The following SV2C variants were observed in gnomAD, a reference collection of about 807,000 sequenced individuals.
SV2C encodes the protein solute carrier family 22 member B3.
A neutral mutation model predicts 79.7 loss-of-function variants in SV2C; 49 were observed. The observed-to-expected ratio is 0.61, with a 90% CI of 0.49 to 0.78. The LOEUF (loss-of-function observed/expected upper bound fraction) is 0.78. Among genes scored for constraint, SV2C ranks in the 30% least tolerant of loss-of-function variants. The pLI, the probability that SV2C is intolerant of heterozygous loss-of-function variation, is 0.00. For missense variants in SV2C, 833 were observed against 912.9 expected (o/e 0.91, Z 1.13); for synonymous variants, 334 against 333.2 (o/e 1.00, Z -0.03).
intron 4 of SV2C, among the ~76,000 whole-genome samples, chr5:76,276,702 C>T (rs1747033203): frequency 1.3e-5 from 2 of 150,228 alleles, no homozygotes; most frequent in African/African-American, 2.5e-5. Flanking sequence ...CACAGGTATG[C>T]ACCACCACAA....
At chr5:76,149,780 G>C (rs1217070156) in intron 2 of SV2C, among the ~76,000 whole-genome samples, 1 of 152,114 alleles carries the variant, frequency 6.6e-6, no homozygotes, top group Non-Finnish European at 1.5e-5. Context: ...TATACACAGT[G>C]GGGGGACATC....
At chr5:75,938,561 A>G in the SV2C span, among the ~76,000 whole-genome samples, 1 of 152,220 alleles carries the variant, frequency 6.6e-6, no homozygotes, top group Non-Finnish European at 1.5e-5. Flanking sequence ...TACATACCAT[A>G]TGATTTCATT....
intron 2 of SV2C, among the ~76,000 whole-genome samples, chr5:76,148,229 G>T (rs147128891): frequency 6.6e-6 from 1 of 151,970 alleles, no homozygotes; most frequent in Non-Finnish European, 1.5e-5. Flanking sequence ...TTTTCAAACC[G>T]CAAATAGCTC....
Position 76,108,522 on chromosome 5 carries a change from C to G in SV2C, c.-101-23128C>G, listed in dbSNP as rs191487960. ...AAGTCTTTAAATTTCTATATTTTAA[C>G]ATAAAATATTTAAGCACAGGTGTTC... is the stretch of plus-strand genomic sequence containing the variant. On this transcript the variant is annotated intron_variant, in intron 1 of 12. Transcript: ENST00000502798. 6.1e-4 allele frequency among the ~76,000 whole-genome samples: 93 copies of G among 152,234 alleles called. 1 individual carries two copies. Among genetic ancestry groups the G allele is most frequent in the African/African-American group, 2.0e-3 (83 of 41,544 alleles).
At chr5:75,924,447 C>CT in the SV2C span, among the ~76,000 whole-genome samples, 2 of 152,090 alleles carry the variant, frequency 1.3e-5, no homozygotes, top group African/African-American at 2.4e-5. Context: ...TTAGTCAAAC[C>CT]TTTTGTCTTA....
At chr5:75,954,962 A>G in the SV2C span, among the ~76,000 whole-genome samples, 2 of 149,212 alleles carry the variant, frequency 1.3e-5, no homozygotes. Flanking sequence ...GAAAATGGCC[A>G]TATTGCCCAA....
the SV2C span, among the ~76,000 whole-genome samples, chr5:75,904,950 C>A: frequency 2.0e-5 from 3 of 152,144 alleles, no homozygotes; most frequent in East Asian, 3.8e-4. Context: ...AAATTCAAGT[C>A]CTATTTCTTA....
At chr5:76,281,045 G>C in intron 4 of SV2C, 1 of 541,202 alleles carries the variant, frequency 1.8e-6, no homozygotes, top group Non-Finnish European at 3.8e-6. Flanking sequence ...TAAATCAGTC[G>C]GCCCCTGGCC....
chr5:75,924,292 A>C, the SV2C span, among the ~76,000 whole-genome samples: 2 of 152,124 alleles, frequency 1.3e-5, no homozygotes, highest in African/African-American at 4.8e-5. Context: ...AAAATATTAC[A>C]TATCAGGTGC....
intron 12 of SV2C, among the ~76,000 whole-genome samples, chr5:76,320,151 TC>T (rs1006569628): frequency 5.5e-5 from 8 of 145,490 alleles, no homozygotes; most frequent in Non-Finnish European, 9.0e-5. Context: ...CGTCTCGTCT[TC>T]CTTTTTTTTT....
the SV2C span, among the ~76,000 whole-genome samples, chr5:75,942,601 C>T: frequency 4.9e-4 from 74 of 152,266 alleles, no homozygotes; most frequent in East Asian, 2.1e-3. Context: ...TTCCTTTGGC[C>T]TTTTCTACAG....
chr5:75,888,162 T>A, the SV2C span, among the ~76,000 whole-genome samples: 3 of 152,048 alleles, frequency 2.0e-5, no homozygotes, highest in Non-Finnish European at 4.4e-5. Flanking sequence ...TGTGTAAATT[T>A]TAAACCTGAC....
chr5:76,188,309 A>G (rs1743982480), intron 2 of SV2C, among the ~76,000 whole-genome samples: 1 of 152,218 alleles, frequency 6.6e-6, no homozygotes, highest in Non-Finnish European at 1.5e-5. Context: ...TGTGTTTTAC[A>G]CAGTACTAAG....
At chr5:76,286,281 C>T (rs550397265) in intron 6 of SV2C, among the ~76,000 whole-genome samples, 1 of 152,176 alleles carries the variant, frequency 6.6e-6, no homozygotes, top group African/African-American at 2.4e-5. Flanking sequence ...GTAGGGACTG[C>T]CAGCTGATTC....
chr5:76,152,311 A>T (rs928136769), intron 2 of SV2C, among the ~76,000 whole-genome samples: 5 of 152,214 alleles, frequency 3.3e-5, no homozygotes, highest in Admixed American at 6.5e-5. Context: ...TTTTTAGATA[A>T]CGCTTCTAAT....
intron 4 of SV2C, chr5:76,242,301 C>A: frequency 6.9e-7 from 1 of 1,446,808 alleles, no homozygotes; most frequent in Non-Finnish European, 9.6e-7. Context: ...GGCATGGTGG[C>A]GGCAGCGACG....
At chr5:76,097,427 G>T (rs1747602735) in intron 1 of SV2C, among the ~76,000 whole-genome samples, 1 of 152,084 alleles carries the variant, frequency 6.6e-6, no homozygotes, top group South Asian at 2.1e-4. Flanking sequence ...ACATTAAGTT[G>T]CCAATAAGCA....
chr5:75,888,975 T>C, the SV2C span, among the ~76,000 whole-genome samples: 1 of 152,078 alleles, frequency 6.6e-6, no homozygotes, highest in Non-Finnish European at 1.5e-5. Context: ...CTGAGGCCTC[T>C]CTCCTTGGCT....
At chr5:76,004,066 T>G in the SV2C span, among the ~76,000 whole-genome samples, 1 of 151,634 alleles carries the variant, frequency 6.6e-6, no homozygotes, top group Admixed American at 6.6e-5. Context: ...AAAAAAAGGT[T>G]GATAAAGCTC....
Sources: gnomAD v4.1 joint callset for allele counts (sites outside exome capture counted in the v4.1 genomes callset) on GRCh38, gnomAD v4.1.1 for gene constraint, MANE v1.5 for transcripts, NCBI Gene and HGNC (gene_info 2026-07-23, HGNC 2026-07-21) for gene names.